The following GALNTL6 variants were observed in gnomAD, a reference collection of about 807,000 sequenced individuals.
GALNTL6 encodes the protein polypeptide N-acetylgalactosaminyltransferase like 6, also known as polypeptide N-acetylgalactosaminyltransferase-like 6.
Under a neutral mutation model 73.7 loss-of-function variants are expected in GALNTL6, and 46 were observed. The ratio of observed to expected loss-of-function variants is 0.62; its 90% CI spans 0.49 to 0.80. The LOEUF (loss-of-function observed/expected upper bound fraction) is 0.80. GALNTL6 is among the 30% of genes least tolerant of loss of function. The pLI, the probability that GALNTL6 is intolerant of heterozygous loss-of-function variation, is 0.00. For synonymous variants in GALNTL6, 259 were observed against 263.7 expected, an observed-to-expected ratio of 0.98 and a Z score of 0.17; for missense variants, 604 against 755.0, an observed-to-expected ratio of 0.80 and a Z score of 2.34.
chr4:172,206,782 GTTTTGTTTTGT>G (rs1736128710), intron 2 of GALNTL6, among the ~76,000 whole-genome samples: 1 of 29,792 alleles, frequency 3.4e-5, no homozygotes, highest in Non-Finnish European at 1.0e-4. Flanking sequence ...CGTGTTTTTT[GTTTTGTTTTGT>G]TTTGTTTTTC....
chr4:172,734,645 C>T (rs552134949), intron 5 of GALNTL6, among the ~76,000 whole-genome samples: 2 of 152,290 alleles, frequency 1.3e-5, no homozygotes, highest in Admixed American at 1.3e-4. Flanking sequence ...ATACAGAGCA[C>T]CTCCTGGTTG....
intron 2 of GALNTL6, chr4:172,052,373 C>A: frequency 8.7e-7 from 1 of 1,142,922 alleles, no homozygotes; most frequent in Non-Finnish European, 1.2e-6. Flanking sequence ...AAGACCTATG[C>A]ACACCTTCAC....
intron 2 of GALNTL6, among the ~76,000 whole-genome samples, chr4:171,883,529 T>C (rs1736518367): frequency 6.6e-6 from 1 of 152,168 alleles, no homozygotes; most frequent in Non-Finnish European, 1.5e-5. Flanking sequence ...CTTCTTCCAC[T>C]TGGTGGTATG....
chr4:172,927,025 G>C (rs952881392), intron 8 of GALNTL6, among the ~76,000 whole-genome samples: 5 of 152,150 alleles, frequency 3.3e-5, no homozygotes, highest in African/African-American at 4.8e-5. Flanking sequence ...GGAGGAGGAG[G>C]CATGAGCAAT....
At chr4:172,757,839 G>GA (rs1201344256) in intron 5 of GALNTL6, among the ~76,000 whole-genome samples, 2 of 152,116 alleles carry the variant, frequency 1.3e-5, no homozygotes, top group Non-Finnish European at 2.9e-5. Flanking sequence ...TTGTCATTGT[G>GA]ATTTATATAA....
intron 4 of GALNTL6, among the ~76,000 whole-genome samples, chr4:172,334,801 C>G (rs1741252535): frequency 6.6e-6 from 1 of 152,016 alleles, no homozygotes; most frequent in Admixed American, 6.6e-5. Flanking sequence ...TGTCTTTTTC[C>G]TGTTCTTAAG....
chr4:172,644,848 G>A lies in GALNTL6; in HGVS notation c.554-164513G>A, dbSNP rs935444145. Reference sequence around the variant, plus strand: ...GTCAATTTACACTACCAGCAGCAATGTATGAGAGTTCCAGTCTCTACGAGG... The same window carrying A: ...GTCAATTTACACTACCAGCAGCAATATATGAGAGTTCCAGTCTCTACGAGG... On this transcript the variant is annotated intron_variant, in intron 5 of 12. Transcript: ENST00000506823. Among the ~76,000 whole-genome samples, 5 of 152,052 alleles carry A rather than the reference G, an allele frequency of 3.3e-5. No homozygotes were observed. In the East Asian group the frequency reaches 9.7e-4, roughly 29 times the overall value.
At chr4:172,228,448 G>T (rs781648439) in intron 2 of GALNTL6, among the ~76,000 whole-genome samples, 1 of 151,856 alleles carries the variant, frequency 6.6e-6, no homozygotes, top group African/African-American at 2.4e-5. Flanking sequence ...AGAATATTAT[G>T]CCCCATTTTT....
chr4:171,882,428 T>G (rs1736473967), intron 2 of GALNTL6, among the ~76,000 whole-genome samples: 1 of 152,204 alleles, frequency 6.6e-6, no homozygotes, highest in African/African-American at 2.4e-5. Context: ...ATAAGCAGAA[T>G]TGACTCACAC....
rs1261916658 is a variant in GALNTL6, at chr4:172,068,205, G to A, written c.139-161451G>A. On this transcript the variant is annotated intron_variant, in intron 2 of 12. Transcript: ENST00000506823. ...CAACACCACCTCTGAAACATGTTCT[G>A]AAAGTGTCTACTTTTTTCCCTCCTC... Among the ~76,000 whole-genome samples the A allele has an allele frequency of 1.8e-5, 2 of 108,628 alleles. 1 individual carries two copies. Among genetic ancestry groups the A allele is most frequent in the Non-Finnish European group, 4.1e-5 (2 of 49,058 alleles). The allele number at this position is 108,628 out of a possible 152,430, so 71.3% of individuals were successfully genotyped here. A position where few individuals can be genotyped will look rare whatever the true frequency, so the allele number is the denominator to read the frequency against.
At chr4:171,970,272 C>T (rs1005949400) in intron 2 of GALNTL6, among the ~76,000 whole-genome samples, 2 of 152,158 alleles carry the variant, frequency 1.3e-5, no homozygotes, top group African/African-American at 4.8e-5. Context: ...TTAAATACTA[C>T]CTACTGTAAA....
intron 5 of GALNTL6, among the ~76,000 whole-genome samples, chr4:172,792,810 GC>G (rs1740072111): frequency 6.6e-6 from 1 of 150,646 alleles, no homozygotes; most frequent in Admixed American, 6.6e-5. Flanking sequence ...ATTATTCCAT[GC>G]TTTTTTATTC....
intron 10 of GALNTL6, among the ~76,000 whole-genome samples, chr4:172,964,330 CAT>C (rs796845592): frequency 1.2e-4 from 18 of 152,268 alleles, no homozygotes; most frequent in African/African-American, 3.9e-4. Flanking sequence ...TTCTAAATAT[CAT>C]GTGTAAGAAG....
At chr4:172,839,263 G>C (rs911970946) in intron 7 of GALNTL6, among the ~76,000 whole-genome samples, 1 of 152,262 alleles carries the variant, frequency 6.6e-6, no homozygotes, top group East Asian at 1.9e-4. Flanking sequence ...ATTTCATAGA[G>C]GATGTAAATA....
intron 5 of GALNTL6, among the ~76,000 whole-genome samples, chr4:172,733,491 G>A (rs1319535507): frequency 6.6e-6 from 1 of 152,084 alleles, no homozygotes; most frequent in Non-Finnish European, 1.5e-5. Flanking sequence ...TGGTTTGGCT[G>A]TGTCCCTGCC....
intron 4 of GALNTL6, among the ~76,000 whole-genome samples, chr4:172,317,114 C>A (rs1001097947): frequency 7.2e-5 from 11 of 152,174 alleles, no homozygotes; most frequent in Admixed American, 5.9e-4. Context: ...TACATACTTA[C>A]AAGTACTTAC....
At chr4:172,848,674 T>G (rs1048769612) in intron 7 of GALNTL6, among the ~76,000 whole-genome samples, 2 of 151,362 alleles carry the variant, frequency 1.3e-5, no homozygotes, top group Non-Finnish European at 2.9e-5. Flanking sequence ...GATGCCACTA[T>G]CTAATGCACA....
At chr4:172,249,773 A>G (rs1168425637) in intron 3 of GALNTL6, among the ~76,000 whole-genome samples, 1 of 152,076 alleles carries the variant, frequency 6.6e-6, no homozygotes. Context: ...GGATTCTCAG[A>G]AGACAAGAAT....
intron 3 of GALNTL6, among the ~76,000 whole-genome samples, chr4:172,283,390 C>T (rs950398742): frequency 1.3e-5 from 2 of 151,976 alleles, no homozygotes; most frequent in African/African-American, 4.8e-5. Context: ...GTACTAATTT[C>T]TTAGAAAATA....
Sources: allele counts gnomAD v4.1 joint callset (sites outside exome capture counted in the v4.1 genomes callset), GRCh38; gene constraint gnomAD v4.1.1; transcripts MANE v1.5; gene names NCBI Gene and HGNC (gene_info 2026-07-23, HGNC 2026-07-21).